The following C1orf87 variants were observed in gnomAD, a reference collection of about 807,000 sequenced individuals.
C1orf87 encodes the protein uncharacterized protein C1orf87.
Under a neutral mutation model 60.5 loss-of-function variants are expected in C1orf87, and 58 were observed. That is an observed-to-expected ratio of 0.96 (90% CI 0.78 to 1.19). C1orf87 has a LOEUF of 1.19. Ranked by LOEUF, C1orf87 falls within the 50% of genes most tolerant of loss-of-function variation. The probability of loss-of-function intolerance (pLI) is 0.00; values close to 1 mark genes in which losing one functional copy is unlikely to be tolerated. For synonymous variants in C1orf87, 236 were observed against 227.4 expected, an observed-to-expected ratio of 1.04 and a Z score of -0.34; for missense variants, 673 against 638.6, an observed-to-expected ratio of 1.05 and a Z score of -0.58.
At chr1:60,025,358 G>A in intron 8 of C1orf87, 43 bp downstream of exon 8, 1 of 1,434,894 alleles carries the variant, frequency 7.0e-7, no homozygotes, top group Non-Finnish European at 9.8e-7. Context: ...TGGGGAAGGG[G>A]TGGTGGATAC....
chr1:60,052,988 G>T (rs1327968803), intron 3 of C1orf87, among the ~76,000 whole-genome samples: 1 of 152,188 alleles, frequency 6.6e-6, no homozygotes, highest in Non-Finnish European at 1.5e-5. Context: ...CCTCCCACTA[G>T]AAACCCTGTT....
intron 8 of C1orf87, among the ~76,000 whole-genome samples, chr1:60,024,618 G>A (rs1289260544): frequency 2.0e-5 from 3 of 152,094 alleles, no homozygotes; most frequent in Non-Finnish European, 4.4e-5. Flanking sequence ...CTACTCCTCT[G>A]TGCTGTGCAT....
At position 60,024,407 on chromosome 1, in the gene C1orf87, T is replaced by A. The variant is rs1015154578; in HGVS notation, c.1127+994A>T. Among the ~76,000 whole-genome samples, 3 of 152,338 alleles carry A rather than the reference T, an allele frequency of 2.0e-5. 1 individual carries two copies. The South Asian group carries it at 6.2e-4, about 32-fold the overall frequency. On this transcript the variant is annotated intron_variant, in intron 8 of 11. Transcript: ENST00000371201. ...TCAATGCCGTATGTGTTACGAGGTC[T>A]GCCTCACTAGCTGGTGGAAACATGA...
chr1:59,994,850 C>T (rs1644952288), intron 11 of C1orf87, among the ~76,000 whole-genome samples: 1 of 152,162 alleles, frequency 6.6e-6, no homozygotes, highest in South Asian at 2.1e-4. Flanking sequence ...ATGGGCAAAG[C>T]AGATATCATC....
Position 60,055,403 on chromosome 1 carries a change from G to A in C1orf87, c.143C>T (p.Thr48Ile), listed in dbSNP as rs1340473535. The A allele has an allele frequency of 1.9e-6, 3 of 1,613,996 alleles. No individual in the cohort carries two copies. Among genetic ancestry groups the A allele is most frequent in the African/African-American group, 2.7e-5 (2 of 74,918 alleles). Reference sequence around the variant, plus strand: ...ATCAGTCATTGGTTTCTGGTGCATTGTTTGGGTTTCTGTTTTCAAGCTGTC... The same window carrying A: ...ATCAGTCATTGGTTTCTGGTGCATTATTTGGGTTTCTGTTTTCAAGCTGTC... ...ENDSLKTETQ[T>I]MHQKPMTDNA... Residue 48 changes from threonine (T) to isoleucine (I), a missense_variant, in exon 3 of 12, where the codon ACA becomes ATA. Transcript: ENST00000371201.
At chr1:60,013,948 G>A (rs368649922) in intron 8 of C1orf87, among the ~76,000 whole-genome samples, 1 of 152,048 alleles carries the variant, frequency 6.6e-6, no homozygotes, top group Non-Finnish European at 1.5e-5. Context: ...TAAGCTATAT[G>A]CTCCTCATCA....
chr1:60,070,587 G>A (rs1016737507), intron 2 of C1orf87, among the ~76,000 whole-genome samples: 1 of 152,094 alleles, frequency 6.6e-6, no homozygotes, highest in South Asian at 2.1e-4. Context: ...TTTTAGCAAT[G>A]CACATCAATT....
chr1:60,040,298 T>A lies in C1orf87; in HGVS notation c.484-118A>T. On this transcript the variant is annotated intron_variant, in intron 4 of 11. Transcript: ENST00000371201. ...TGAGTGTCCACTCGCAGTCCTGGCC[T>A]GGAGCAGGACAAGTCTGTGGCACTG... 3 of 1,297,326 alleles carry A rather than the reference T, an allele frequency of 2.3e-6. 1 individual carries two copies. The highest frequency in any genetic ancestry group is 4.4e-4 in the Middle Eastern group (2 of 4,580). 80.4% of individuals were successfully genotyped at this position (1,297,326 alleles called of 1,614,324 possible). A position where few individuals can be genotyped will look rare whatever the true frequency, so the allele number is the denominator to read the frequency against.
Position 60,039,995 on chromosome 1 carries a change from CA to C in C1orf87, c.668del (p.Leu223Ter). 1 of 1,614,104 alleles carries C rather than the reference CA, an allele frequency of 6.2e-7. No homozygotes were observed. ...GTAACTGTAGAGGGACTTCATGCTT[CA>C]AAAAGAGGCGGCTCAGCTGAGATTG... ...LLQSQLSRLF[L>X]KHEVPLQLPT... is the part of the protein sequence containing the mutation. On this transcript the variant is annotated frameshift_variant, in exon 5 of 12. Coordinates refer to ENST00000371201, the MANE Select transcript of C1orf87 (RefSeq NM_152377.3). LOFTEE classifies it high-confidence loss of function.
At position 60,010,460 on chromosome 1, in the gene C1orf87, T is replaced by C; in HGVS notation, c.1128-4A>G. On this transcript the variant is annotated splice_region_variant and splice_polypyrimidine_tract_variant and intron_variant, in intron 8 of 11. Coordinates refer to ENST00000371201, the MANE Select transcript of C1orf87 (RefSeq NM_152377.3). ...CATCTCAACAAAATTCTGCCATCTG[T>C]GCAAGAAAAGGAAACATAAATTGGT... The C allele has an allele frequency of 7.4e-6, 12 of 1,611,916 alleles. No individual in the cohort carries two copies. Among genetic ancestry groups the C allele is most frequent in the Non-Finnish European group, 1.0e-5 (12 of 1,178,494 alleles).
intron 8 of C1orf87, among the ~76,000 whole-genome samples, chr1:60,019,246 C>A (rs190680872): frequency 6.6e-6 from 1 of 152,110 alleles, no homozygotes; most frequent in Non-Finnish European, 1.5e-5. Context: ...AAGTGTGGCA[C>A]GTCCCCCTCA....
rs118154376 is a variant in C1orf87, at chr1:59,999,273, C to T, written c.1273-1457G>A. Among the ~76,000 whole-genome samples the T allele has an allele frequency of 1.3e-3, 204 of 152,192 alleles. 2 individuals are homozygous for T. The East Asian group carries it at 0.033, about 25-fold the overall frequency. The stretch of plus-strand genomic sequence containing the variant: ...CCACATGGATGACAAACAACCAGTA[C>T]GTCTTAACGGATTCCTATAAAAAGA... On this transcript the variant is annotated intron_variant, in intron 10 of 11. Coordinates refer to ENST00000371201, the MANE Select transcript of C1orf87 (RefSeq NM_152377.3).
intron 6 of C1orf87, 30 bp from the exon 7 acceptor site, chr1:60,033,671 G>GA (rs1645255293): frequency 1.2e-6 from 2 of 1,602,832 alleles, no homozygotes; most frequent in Non-Finnish European, 1.7e-6. Flanking sequence ...GGAAGGCTAT[G>GA]AAAAGGTTAT....
At chr1:60,011,465 C>T (rs1310298148) in intron 8 of C1orf87, among the ~76,000 whole-genome samples, 1 of 152,136 alleles carries the variant, frequency 6.6e-6, no homozygotes, top group Non-Finnish European at 1.5e-5. Flanking sequence ...CTCTCTCTCC[C>T]ACTGTCTCTG....
At chr1:60,045,295 G>A (rs971647458) in intron 3 of C1orf87, among the ~76,000 whole-genome samples, 61 of 151,936 alleles carry the variant, frequency 4.0e-4, no homozygotes, top group African/African-American at 1.4e-3. Context: ...GTAAAAAGTT[G>A]TATACTTTTT....
chr1:60,014,579 A>G (rs1424110630), intron 8 of C1orf87, among the ~76,000 whole-genome samples: 1 of 152,130 alleles, frequency 6.6e-6, no homozygotes, highest in Non-Finnish European at 1.5e-5. Flanking sequence ...CACACAAAAT[A>G]TAGGCTATTT....
chr1:60,047,643 CA>C (rs1645382146), intron 3 of C1orf87, among the ~76,000 whole-genome samples: 1 of 151,420 alleles, frequency 6.6e-6, no homozygotes, highest in African/African-American at 2.4e-5. Context: ...ACTGATTTTT[CA>C]TTTCAAATGT....
chr1:60,071,381 T>G (rs1574334110), intron 2 of C1orf87, among the ~76,000 whole-genome samples: 1 of 152,320 alleles, frequency 6.6e-6, no homozygotes, highest in South Asian at 2.1e-4. Context: ...CCAAAGATGT[T>G]AATTCATTTT....
chr1:60,051,075 T>C (rs1574322396), intron 3 of C1orf87, among the ~76,000 whole-genome samples: 2 of 152,102 alleles, frequency 1.3e-5, no homozygotes, highest in African/African-American at 4.8e-5. Flanking sequence ...CCATAAAGAA[T>C]AGCATGGGCA....
Sources: allele counts gnomAD v4.1 joint callset (sites outside exome capture counted in the v4.1 genomes callset), GRCh38; gene constraint gnomAD v4.1.1; transcripts MANE v1.5; gene names NCBI Gene and HGNC (gene_info 2026-07-23, HGNC 2026-07-21).